The following ODF2 variants were observed in gnomAD, a reference collection of about 807,000 sequenced individuals.
ODF2 encodes the protein outer dense fiber of sperm tails 2, also known as outer dense fiber protein 2.
A neutral mutation model predicts 110.2 loss-of-function variants in ODF2; 47 were observed. The ratio of observed to expected loss-of-function variants is 0.43; its 90% CI spans 0.34 to 0.54. The LOEUF (loss-of-function observed/expected upper bound fraction) is 0.54. Among genes scored for constraint, ODF2 ranks in the 20% least tolerant of loss-of-function variants. The pLI is 0.03. For synonymous variants in ODF2, 352 were observed against 397.7 expected (o/e 0.89, Z 1.37); for missense variants, 812 against 1,054.5 (o/e 0.77, Z 3.19).
chr9:128,460,820 C>G, intron 3 of ODF2, 122 bp from the exon 4 acceptor site: 1 of 1,515,948 alleles, frequency 6.6e-7, no homozygotes, highest in Non-Finnish European at 9.1e-7. Flanking sequence ...GCCTGTCATC[C>G]AGGAGCAACA....
At chr9:128,475,220 C>T (rs563831385) in intron 8 of ODF2, among the ~76,000 whole-genome samples, 3 of 152,200 alleles carry the variant, frequency 2.0e-5, no homozygotes, top group East Asian at 3.9e-4. Flanking sequence ...GGAGGAGGTA[C>T]ACAAGTATAT....
chr9:128,469,103 G>A, intron 4 of ODF2, 80 bp from the exon 5 acceptor site: 3 of 1,413,892 alleles, frequency 2.1e-6, no homozygotes, highest in Non-Finnish European at 2.9e-6. Flanking sequence ...CGTCTAATCA[G>A]TAAATAAGCC....
At chr9:128,458,159 C>A (rs1248150867) in intron 2 of ODF2, among the ~76,000 whole-genome samples, 2 of 152,064 alleles carry the variant, frequency 1.3e-5, no homozygotes, top group African/African-American at 2.4e-5. Context: ...GATCTCCCCC[C>A]ACTTTGGGGG....
intron 8 of ODF2, among the ~76,000 whole-genome samples, chr9:128,477,327 T>C (rs1278182879): frequency 6.6e-6 from 1 of 151,570 alleles, no homozygotes; most frequent in Non-Finnish European, 1.5e-5. Flanking sequence ...GGTGGGAGAA[T>C]TGCTTGAGGC....
chr9:128,460,567 C>T (rs755640429), intron 3 of ODF2: 189 of 1,613,714 alleles, frequency 1.2e-4, no homozygotes, highest in Admixed American at 4.2e-4. Flanking sequence ...CCATGAAGGA[C>T]CGCTCTTCAA....
chr9:128,488,467 C>T (rs1486282437), intron 14 of ODF2, among the ~76,000 whole-genome samples: 2 of 152,182 alleles, frequency 1.3e-5, no homozygotes, highest in African/African-American at 4.8e-5. Context: ...TACTCTGCTG[C>T]TTCCTGGCTG....
chr9:128,483,258 G>T (rs1360948075), intron 10 of ODF2, among the ~76,000 whole-genome samples: 1 of 152,024 alleles, frequency 6.6e-6, no homozygotes, highest in Non-Finnish European at 1.5e-5. Flanking sequence ...TTCAAATCCT[G>T]TCTTTGGGCC....
At chr9:128,495,138 C>A (rs1014717108) in intron 17 of ODF2, among the ~76,000 whole-genome samples, 2 of 152,274 alleles carry the variant, frequency 1.3e-5, no homozygotes, top group Admixed American at 6.5e-5. Context: ...GTTACTGGAA[C>A]CATGCCTACG....
intron 8 of ODF2, among the ~76,000 whole-genome samples, chr9:128,476,456 T>A (rs897699122): frequency 1.3e-5 from 2 of 151,464 alleles, no homozygotes; most frequent in African/African-American, 4.9e-5. Flanking sequence ...CCGGGCTACT[T>A]TTTGTAGTTT....
intron 4 of ODF2, among the ~76,000 whole-genome samples, chr9:128,467,744 CAAAAAAAAAA>C (rs5900797): frequency 8.5e-6 from 1 of 117,896 alleles, no homozygotes; most frequent in African/African-American, 3.3e-5. Context: ...GACCCTGTCT[CAAAAAAAAAA>C]AAAAAAAAGC....
chr9:128,471,272 C>A, intron 5 of ODF2, 36 bp from the exon 6 acceptor site: 1 of 1,577,380 alleles, frequency 6.3e-7, no homozygotes, highest in South Asian at 1.2e-5. Flanking sequence ...GGAAGGACCT[C>A]CCTTCAGTGG....
chr9:128,466,663 A>ATG lies in ODF2; in HGVS notation c.250-2519_250-2518insGT, dbSNP rs201776509. On this transcript the variant is annotated intron_variant, in intron 4 of 20. Coordinates refer to ENST00000604420, the Ensembl canonical transcript of ODF2. ...CTTTCCCATATATATATATATATAT[A>ATG]TATTTGTCATTTTAAAAAATATATA... is the stretch of plus-strand genomic sequence containing the variant. Among the ~76,000 whole-genome samples the ATG allele has an allele frequency of 3.6e-3, 536 of 149,542 alleles. 3 individuals are homozygous for ATG. Among genetic ancestry groups the ATG allele is most frequent in the African/African-American group, 0.012 (495 of 40,962 alleles).
rs368317641 is a variant in ODF2 at position 128,494,744 on chromosome 9, C to T, written c.1911+76C>T. ...CATACCAAGATGAGCTGCACGCCCCCCAAGGGAGGACTACTTCCTTTTTCT... is the reference window on the plus strand; with the variant it reads ...CATACCAAGATGAGCTGCACGCCCCTCAAGGGAGGACTACTTCCTTTTTCT... On this transcript the variant is annotated intron_variant, in intron 17 of 20. Transcript: ENST00000604420. This position sits in a 1 kb window ranked among gnomAD's most constrained non-coding sequence, Gnocchi z 4.6. 1 of 1,613,396 alleles carries T rather than the reference C, an allele frequency of 6.2e-7. No individual in the cohort carries two copies. The highest frequency in any genetic ancestry group is 1.3e-5 in the African/African-American group (1 of 75,026).
chr9:128,495,153 G>A (rs1159255835), intron 17 of ODF2, among the ~76,000 whole-genome samples: 1 of 152,262 alleles, frequency 6.6e-6, no homozygotes, highest in South Asian at 2.1e-4. Context: ...CCTACGGCCT[G>A]CAGTGTCCAA....
intron 13 of ODF2, 78 bp from the exon 14 acceptor site, chr9:128,487,812 C>G: frequency 1.4e-6 from 2 of 1,381,394 alleles, no homozygotes; most frequent in South Asian, 1.3e-5. Flanking sequence ...AAAACACACA[C>G]ACACACACAC....
chr9:128,474,452 CACTGCACTCTAGCCTGGGCG>C (rs1464943215), intron 8 of ODF2, among the ~76,000 whole-genome samples: 1 of 151,688 alleles, frequency 6.6e-6, no homozygotes, highest in Non-Finnish European at 1.5e-5. Context: ...GAGATCGCGT[CACTGCACTCTAGCCTGGGCG>C]ACAGAGCGAG....
At chr9:128,499,776 A>G (rs2132359330) in intron 20 of ODF2, among the ~76,000 whole-genome samples, 1 of 152,010 alleles carries the variant, frequency 6.6e-6, no homozygotes, top group East Asian at 1.9e-4. Flanking sequence ...CACCCAGCTA[A>G]TTTTTGTATT....
At chr9:128,477,603 C>CT (rs536851417) in intron 8 of ODF2, among the ~76,000 whole-genome samples, 33 of 148,100 alleles carry the variant, frequency 2.2e-4, no homozygotes, top group East Asian at 9.9e-4. Flanking sequence ...CACTGCCCAG[C>CT]TTTTTTTTTT....
intron 4 of ODF2, among the ~76,000 whole-genome samples, chr9:128,467,744 C>CAAAAAAAAA (rs5900797): frequency 8.5e-6 from 1 of 117,894 alleles, no homozygotes; most frequent in Non-Finnish European, 1.7e-5. Context: ...GACCCTGTCT[C>CAAAAAAAAA]AAAAAAAAAA....
Sources: gnomAD v4.1 joint callset for allele counts (sites outside exome capture counted in the v4.1 genomes callset) on GRCh38, gnomAD v4.1.1 for gene constraint, Gnocchi (gnomAD v3.1) non-coding constraint, MANE v1.5 for transcripts, NCBI Gene and HGNC (gene_info 2026-07-23, HGNC 2026-07-21) for gene names.